ARAP2: variants seen among roughly 807,000 people sequenced by gnomAD.
ARAP2 encodes ArfGAP with RhoGAP domain, ankyrin repeat and PH domain 2.
Under a neutral mutation model 194.5 loss-of-function variants are expected in ARAP2, and 148 were observed. The ratio of observed to expected loss-of-function variants is 0.76; its 90% confidence interval spans 0.67 to 0.87. The LOEUF is 0.87. Ranked by LOEUF, ARAP2 falls within the 40% of genes least tolerant of loss-of-function variation. The pLI is 0.00. For missense variants in ARAP2, 2,128 were observed against 1,989.7 expected (o/e 1.07, Z -1.32); for synonymous variants, 695 against 683.5 (o/e 1.02, Z -0.26).
intron 5 of ARAP2, among the ~76,000 whole-genome samples, chr4:36,036,479 TAAA>T (rs1480040810): frequency 1.3e-5 from 2 of 152,038 alleles, no homozygotes; most frequent in African/African-American, 4.8e-5. Flanking sequence ...TCAAAATAAA[TAAA>T]AAGAAATATT....
intron 22 of ARAP2, among the ~76,000 whole-genome samples, chr4:36,123,093 G>C (rs1723047762): frequency 6.6e-6 from 1 of 151,774 alleles, no homozygotes; most frequent in Admixed American, 6.6e-5. Context: ...GAGTTTAATA[G>C]AAGAGGATGC....
chr4:36,160,574 T>C lies in ARAP2; in HGVS notation c.2327A>G (p.Glu776Gly), dbSNP rs1030817877. Residue 776 changes from glutamate (E) to glycine (G), a missense_variant, in exon 13 of 33, where the codon GAA becomes GGA. Coordinates refer to ENST00000303965, the MANE Select transcript of ARAP2 (RefSeq NM_015230.4). ...FWAGNLQKDE[E>G]LHMDSPVEKR... ...TTCTACTGGTGAGTCCATATGTAAT[T>C]CTTCATCCTTTTGAAGATTACCAGC... 5 of 1,547,214 alleles carry C rather than the reference T, an allele frequency of 3.2e-6. No individual in the cohort carries two copies. The African/African-American group carries it at 7.1e-5, about 22-fold the overall frequency.
At chr4:36,149,815 C>A (rs757467114) in intron 16 of ARAP2, among the ~76,000 whole-genome samples, 1 of 152,120 alleles carries the variant, frequency 6.6e-6, no homozygotes, top group Non-Finnish European at 1.5e-5. Flanking sequence ...CAAGTCATCT[C>A]AACTAGTCAT....
At position 36,128,449 on chromosome 4, in the gene ARAP2, A is replaced by G; in HGVS notation, c.3640+84T>C. ...AGATGTTTAAAGTCTAAGTATTAAA[A>G]GGCAAGCATGTATTATGGTCTATAT... On this transcript the variant is annotated intron_variant, in intron 21 of 32. Coordinates refer to ENST00000303965, the MANE Select transcript of ARAP2 (RefSeq NM_015230.4). The G allele has an allele frequency of 2.9e-6, 3 of 1,027,538 alleles. No homozygotes were observed. The South Asian group carries it at 5.7e-5, about 20-fold the overall frequency. 63.7% of individuals were successfully genotyped at this position (1,027,538 alleles called of 1,614,324 possible).
intron 28 of ARAP2, among the ~76,000 whole-genome samples, chr4:36,087,701 C>T (rs16991911): frequency 6.6e-6 from 1 of 152,082 alleles, no homozygotes; most frequent in Admixed American, 6.6e-5. Flanking sequence ...ACTATAAAAA[C>T]TGAACTGTTT....
At chr4:36,182,928 A>G (rs138603389) in intron 8 of ARAP2, among the ~76,000 whole-genome samples, 38 of 152,268 alleles carry the variant, frequency 2.5e-4, no homozygotes, top group South Asian at 6.2e-4. Flanking sequence ...TGAATATATG[A>G]CTGTGGAGTA....
At chr4:36,225,333 T>C (rs1750083480) in intron 2 of ARAP2, among the ~76,000 whole-genome samples, 1 of 152,180 alleles carries the variant, frequency 6.6e-6, no homozygotes, top group Non-Finnish European at 1.5e-5. Flanking sequence ...AAAAATGTAC[T>C]TCCTTCAGTA....
At chr4:36,155,659 T>A (rs910553788) in intron 15 of ARAP2, among the ~76,000 whole-genome samples, 15 of 151,710 alleles carry the variant, frequency 9.9e-5, no homozygotes, top group African/African-American at 2.7e-4. Flanking sequence ...TTATTTTTTT[T>A]TTTATTTTTA....
chr4:36,148,742 T>C (rs971309334), intron 16 of ARAP2, among the ~76,000 whole-genome samples: 4 of 152,292 alleles, frequency 2.6e-5, no homozygotes, highest in African/African-American at 9.6e-5. Flanking sequence ...TTGTATAACT[T>C]TGTTTATGCC....
chr4:36,056,637 T>G (rs199577228), intron 2 of ARAP2, among the ~76,000 whole-genome samples: 20 of 152,340 alleles, frequency 1.3e-4, no homozygotes, highest in East Asian at 1.2e-3. Context: ...ATGTAATTAC[T>G]GATATATTTA....
chr4:36,090,889 C>T (rs1314647058), intron 28 of ARAP2, among the ~76,000 whole-genome samples: 14 of 152,002 alleles, frequency 9.2e-5, no homozygotes, highest in Admixed American at 9.2e-4. Flanking sequence ...CACTTGCACT[C>T]CTGAACTTAA....
chr4:36,131,504 G>A (rs1003118053), intron 20 of ARAP2, among the ~76,000 whole-genome samples: 1 of 151,250 alleles, frequency 6.6e-6, no homozygotes, highest in African/African-American at 2.4e-5. Flanking sequence ...TCTTCCATTG[G>A]CTTTATTATT....
chr4:36,149,292 C>A (rs1248539469), intron 16 of ARAP2, among the ~76,000 whole-genome samples: 4 of 148,522 alleles, frequency 2.7e-5, no homozygotes, highest in African/African-American at 9.7e-5. Flanking sequence ...TTGTTCTTCC[C>A]CTTAACATCA....
chr4:36,096,017 T>C lies in ARAP2; in HGVS notation c.4286-3997A>G, dbSNP rs144143612. ...CTTTCTGATATTAAGGTGATAGAAC[T>C]TTAAATATCCATGCATCATTTCTAA... is the stretch of plus-strand genomic sequence containing the variant. On this transcript the variant is annotated intron_variant, in intron 27 of 32. Transcript: ENST00000303965. 1.1e-4 allele frequency among the ~76,000 whole-genome samples: 17 copies of C among 152,154 alleles called. No individual in the cohort carries two copies. In the East Asian group the frequency reaches 3.3e-3, roughly 30 times the overall value.
chr4:36,193,404 A>G lies in ARAP2; in HGVS notation c.1557+174T>C, dbSNP rs563764264. Among the ~76,000 whole-genome samples, 10 of 152,366 alleles carry G rather than the reference A, an allele frequency of 6.6e-5. No homozygotes were observed. In the South Asian group the frequency reaches 1.9e-3, roughly 28 times the overall value. ...TTAAGAGAAAGTACATACTTAAGAC[A>G]AAAATCATCTGATTTTAATTAACTA... On this transcript the variant is annotated intron_variant, in intron 7 of 32. Coordinates refer to ENST00000303965, the MANE Select transcript of ARAP2 (RefSeq NM_015230.4).
At position 36,214,467 on chromosome 4, in the gene ARAP2, T is replaced by C; in HGVS notation, c.919A>G (p.Arg307Gly). 6.3e-7 allele frequency: 1 copy of C among 1,595,180 alleles called. No individual in the cohort carries two copies. The highest frequency in any genetic ancestry group is 8.6e-7 in the Non-Finnish European group (1 of 1,168,684). Residue 307 changes from arginine to glycine, a missense_variant, in exon 3 of 33, where the codon AGA (arginine) becomes GGA (glycine). Arg to Gly is a moderately radical substitution (Grantham distance 125). Transcript: ENST00000303965. The stretch of plus-strand genomic sequence containing the variant: ...TCAGTTGAGGTAGCAACATTTCTTC[T>C]TTCACGGAAATAGCTTAAAAAGCAA... Reference protein sequence around the residue: ...KGVSGSYFRERRNVATSTEKS... With the variant: ...KGVSGSYFREGRNVATSTEKS...
In ARAP2 at chr4:36,244,216, G is replaced by A. The variant is rs1480167746; in HGVS notation, c.-197C>T. ...TCGCGGAGTTCGAAAAGCGAGGTGA[G>A]GCGGCGCTGGGAAGCTCAGCGCCGG... On this transcript the variant is annotated 5_prime_UTR_variant, in exon 1 of 33. Transcript: ENST00000303965. 2 of 152,088 alleles carry A rather than the reference G, an allele frequency of 1.3e-5. No individual in the cohort carries two copies. Among genetic ancestry groups the A allele is most frequent in the African/African-American group, 4.8e-5 (2 of 41,428 alleles). 9.4% of individuals were successfully genotyped at this position (152,088 alleles called of 1,614,324 possible).
At chr4:36,060,767 C>T (rs1330027941) in intron 1 of ARAP2, among the ~76,000 whole-genome samples, 1 of 152,152 alleles carries the variant, frequency 6.6e-6, no homozygotes, top group African/African-American at 2.4e-5. Flanking sequence ...TGTTTCCTCA[C>T]GTGGCCTTTC....
intron 5 of ARAP2, among the ~76,000 whole-genome samples, chr4:36,020,096 A>C (rs1470963746): frequency 6.6e-6 from 1 of 152,208 alleles, no homozygotes; most frequent in Non-Finnish European, 1.5e-5. Context: ...TGGCTTAAAC[A>C]CAAACACTGT....
Sources: gnomAD v4.1 joint callset for allele counts (sites outside exome capture counted in the v4.1 genomes callset) on GRCh38, gnomAD v4.1.1 for gene constraint, MANE v1.5 for transcripts, NCBI Gene and HGNC (gene_info 2026-07-23, HGNC 2026-07-21) for gene names.